The following NEURL1 variants were observed in gnomAD, a reference collection of about 807,000 sequenced individuals.
The protein encoded by NEURL1 is E3 ubiquitin-protein ligase NEURL1.
In NEURL1, 26 loss-of-function variants were observed where a neutral mutation model predicts 41.2. That is an observed-to-expected ratio of 0.63 (90% CI 0.46 to 0.87). NEURL1 has a LOEUF of 0.87. NEURL1 is among the 40% of genes least tolerant of loss of function. The pLI, the probability that NEURL1 is intolerant of heterozygous loss-of-function variation, is 0.00. For synonymous variants in NEURL1, 400 were observed against 402.3 expected (o/e 0.99, Z 0.07); for missense variants, 761 against 871.1 (o/e 0.87, Z 1.59).
rs971943057 is a variant in NEURL1, at chr10:103,556,354, A to G, written c.86-14518A>G. On this transcript the variant is annotated intron_variant, in intron 1 of 5. Coordinates refer to ENST00000369780, the MANE Select transcript of NEURL1 (RefSeq NM_004210.5). This position sits in a 1 kb window ranked among gnomAD's most constrained non-coding sequence, Gnocchi z 4.4. ...AACTGGGGTCCTTTACAAACCAGCC[A>G]GAACAGAATAGGCTGACCTTGGGGA... is the stretch of plus-strand genomic sequence containing the variant. Among the ~76,000 whole-genome samples the G allele has an allele frequency of 6.6e-6, 1 of 152,160 alleles. No individual in the cohort carries two copies. The highest frequency in any genetic ancestry group is 6.5e-5 in the Admixed American group (1 of 15,280).
chr10:103,507,114 C>G (rs985760830), intron 1 of NEURL1, among the ~76,000 whole-genome samples: 6 of 152,150 alleles, frequency 3.9e-5, no homozygotes, highest in Non-Finnish European at 8.8e-5. Flanking sequence ...AAGTGACCTG[C>G]CCAAGGTCAT....
At chr10:103,569,838 G>A (rs933775951) in intron 1 of NEURL1, among the ~76,000 whole-genome samples, 8 of 152,232 alleles carry the variant, frequency 5.3e-5, no homozygotes, top group African/African-American at 1.9e-4. Context: ...CTCATGCACA[G>A]GGTGTCTGGC....
At position 103,545,314 on chromosome 10, in the gene NEURL1, C is replaced by T. The variant is rs969443334; in HGVS notation, c.86-25558C>T. On this transcript the variant is annotated intron_variant, in intron 1 of 5. Transcript: ENST00000369780. The surrounding 1 kb of genome is among the most constrained non-coding windows in gnomAD (Gnocchi z 4.5). ...GAGGGTGGGGCAGCCAGCCCTGAGCCAGCCACATGCCCATGGTCCCCAGGT... is the reference window on the plus strand; with the variant it reads ...GAGGGTGGGGCAGCCAGCCCTGAGCTAGCCACATGCCCATGGTCCCCAGGT... Among the ~76,000 whole-genome samples the T allele has an allele frequency of 2.0e-5, 3 of 152,218 alleles. No homozygotes were observed. Among genetic ancestry groups the T allele is most frequent in the Non-Finnish European group, 4.4e-5 (3 of 68,050 alleles).
At chr10:103,562,619 G>A (rs1407734427) in intron 1 of NEURL1, among the ~76,000 whole-genome samples, 2 of 152,136 alleles carry the variant, frequency 1.3e-5, no homozygotes, top group African/African-American at 4.8e-5. Flanking sequence ...AGTGCCTCGG[G>A]GTATCTGGGC....
intron 3 of NEURL1, among the ~76,000 whole-genome samples, chr10:103,578,142 G>T (rs927696496): frequency 9.2e-5 from 14 of 152,170 alleles, no homozygotes; most frequent in African/African-American, 3.4e-4. Context: ...GCTCTGGGCA[G>T]TTCTCAGCTT....
chr10:103,520,918 A>G (rs1201365215), intron 1 of NEURL1, among the ~76,000 whole-genome samples: 2 of 152,172 alleles, frequency 1.3e-5, no homozygotes, highest in Non-Finnish European at 2.9e-5. Flanking sequence ...GAATTGAGAA[A>G]CTAAACGGAA....
At chr10:103,560,645 C>T (rs983638825) in intron 1 of NEURL1, among the ~76,000 whole-genome samples, 10 of 152,186 alleles carry the variant, frequency 6.6e-5, no homozygotes, top group Non-Finnish European at 1.2e-4. Flanking sequence ...ACATGGCCCC[C>T]ACCCTGGGCA....
At chr10:103,543,179 G>A (rs1433251734) in intron 1 of NEURL1, among the ~76,000 whole-genome samples, 2 of 152,214 alleles carry the variant, frequency 1.3e-5, no homozygotes, top group Admixed American at 6.5e-5. Flanking sequence ...CTGCAGTGGG[G>A]TGGCTGGGGG....
intron 1 of NEURL1, among the ~76,000 whole-genome samples, chr10:103,506,242 G>A (rs1356162706): frequency 6.6e-6 from 1 of 152,214 alleles, no homozygotes; most frequent in East Asian, 1.9e-4. Flanking sequence ...AGAGGCTGAT[G>A]TTCTCCAGGG....
Position 103,493,792 on chromosome 10 carries a change from G to A in NEURL1, c.-596G>A, listed in dbSNP as rs984406763. Among the ~76,000 whole-genome samples, 239 of 152,008 alleles carry A rather than the reference G, an allele frequency of 1.6e-3. No homozygotes were observed. The highest frequency in any genetic ancestry group is 1.7e-3 in the South Asian group (8 of 4,824). On this transcript the variant is annotated 5_prime_UTR_variant, in exon 1 of 6. Coordinates refer to ENST00000369780, the MANE Select transcript of NEURL1 (RefSeq NM_004210.5). Reference sequence around the variant, plus strand: ...GCCGGGGCGGGGGGCGGGGGCGGCGGTCGCAGGAGGGACCCGGCGCGGGCG... The same window carrying A: ...GCCGGGGCGGGGGGCGGGGGCGGCGATCGCAGGAGGGACCCGGCGCGGGCG...
At chr10:103,528,329 T>C (rs922875411) in intron 1 of NEURL1, among the ~76,000 whole-genome samples, 1 of 151,972 alleles carries the variant, frequency 6.6e-6, no homozygotes, top group Non-Finnish European at 1.5e-5. Context: ...CACTCCAGCC[T>C]GGGCAACAGA....
chr10:103,565,868 GTCTCGAAC>G (rs1490558171), intron 1 of NEURL1, among the ~76,000 whole-genome samples: 13 of 152,206 alleles, frequency 8.5e-5, no homozygotes, highest in Admixed American at 8.5e-4. Flanking sequence ...GCCCAGGCTG[GTCTCGAAC>G]TCCTGGGCTC....
At chr10:103,576,887 G>C (rs958821345) in intron 3 of NEURL1, among the ~76,000 whole-genome samples, 3 of 152,092 alleles carry the variant, frequency 2.0e-5, no homozygotes, top group African/African-American at 7.2e-5. Flanking sequence ...GGTTCTCCAG[G>C]CCCCCTGGAG....
chr10:103,506,121 C>T (rs910905979), intron 1 of NEURL1, among the ~76,000 whole-genome samples: 1 of 152,188 alleles, frequency 6.6e-6, no homozygotes, highest in Non-Finnish European at 1.5e-5. Context: ...AAAGGGAGAA[C>T]GTTGACAGGC....
chr10:103,523,455 CAA>C (rs1381623422), intron 1 of NEURL1, among the ~76,000 whole-genome samples: 2 of 129,846 alleles, frequency 1.5e-5, no homozygotes. Flanking sequence ...GACCTTGTCT[CAA>C]AAAAAAAAAG....
chr10:103,496,864 C>A (rs966031726), intron 1 of NEURL1, among the ~76,000 whole-genome samples: 1 of 152,126 alleles, frequency 6.6e-6, no homozygotes, highest in African/African-American at 2.4e-5. Context: ...TCTGTGGAAA[C>A]CCAGAGAGCT....
intron 1 of NEURL1, among the ~76,000 whole-genome samples, chr10:103,536,872 TC>T (rs2034704378): frequency 2.0e-5 from 3 of 152,200 alleles, no homozygotes; most frequent in Admixed American, 2.0e-4. Flanking sequence ...AGAACTTTGT[TC>T]ATTTTCCCAA....
intron 1 of NEURL1, among the ~76,000 whole-genome samples, chr10:103,511,052 G>A (rs74154514): frequency 4.3e-4 from 66 of 152,298 alleles, no homozygotes; most frequent in African/African-American, 1.5e-3. Flanking sequence ...TGCTGCAGGT[G>A]GACTTCCCCA....
At chr10:103,580,449 G>A (rs999686583) in intron 3 of NEURL1, among the ~76,000 whole-genome samples, 15 of 152,208 alleles carry the variant, frequency 9.9e-5, no homozygotes, top group Admixed American at 9.8e-4. Flanking sequence ...TACCCATCAA[G>A]TGGTGCAGTC....
Sources: gnomAD v4.1 joint callset for allele counts (sites outside exome capture counted in the v4.1 genomes callset) on GRCh38, gnomAD v4.1.1 for gene constraint, Gnocchi (gnomAD v3.1) non-coding constraint, MANE v1.5 for transcripts, NCBI Gene and HGNC (gene_info 2026-07-23, HGNC 2026-07-21) for gene names.